EVI5: variants seen among roughly 807,000 people sequenced by gnomAD.
The protein encoded by EVI5 is ecotropic viral integration site 5 protein homolog.
A neutral mutation model predicts 112.0 loss-of-function variants in EVI5; 73 were observed. That is an observed-to-expected ratio of 0.65 (90% confidence interval 0.54 to 0.79). EVI5 has a LOEUF of 0.79. EVI5 is among the 30% of genes least tolerant of loss of function. The pLI is 0.00. For missense variants in EVI5, 900 were observed against 968.8 expected (o/e 0.93, Z 0.94); for synonymous variants, 305 against 319.9 (o/e 0.95, Z 0.50).
rs141343784 is a variant in EVI5, at chr1:92,607,683, C to T, written c.1872G>A (p.Val624=). Residue 624 remains valine (V), a synonymous_variant, in exon 17 of 20, where the codon GTG becomes GTA. Transcript: ENST00000684568. ...SNHLRRAEQE[V]ISLQEKVQYL... ...ACTGCACTTTCTCCTGTAGGCTAAT[C>T]ACCTCTTGTTCTGCTCTTCGAAGAT... 14,886 of 1,605,500 alleles carry T rather than the reference C, an allele frequency of 9.3e-3. 103 individuals carry two copies. The highest frequency in any genetic ancestry group is 0.011 in the Non-Finnish European group (13,205 of 1,175,698).
At chr1:92,703,326 A>G (rs1203926732) in intron 4 of EVI5, 69 bp downstream of exon 4, 26 of 972,082 alleles carry the variant, frequency 2.7e-5, no homozygotes, top group Non-Finnish European at 4.0e-5. Flanking sequence ...ATGCTTCATC[A>G]TGAAAAATGT....
In EVI5 at chr1:92,701,377, C is replaced by T. The variant is rs1570445497; in HGVS notation, c.639+764G>A. The stretch of plus-strand genomic sequence containing the variant: ...CTAATCTGAAAGTAGATAGTATTAT[C>T]TTACTAAGGCTCAGAGAGAGGTTAA... On this transcript the variant is annotated intron_variant, in intron 5 of 19. Coordinates refer to ENST00000684568, the MANE Select transcript of EVI5 (RefSeq NM_001350197.2). 2.6e-5 allele frequency among the ~76,000 whole-genome samples: 4 copies of T among 152,308 alleles called. No individual in the cohort carries two copies. The South Asian group carries it at 8.3e-4, about 32-fold the overall frequency.
upstream of EVI5, among the ~76,000 whole-genome samples, chr1:92,788,580 G>C (rs1441921579): frequency 6.6e-6 from 1 of 151,972 alleles, no homozygotes; most frequent in Non-Finnish European, 1.5e-5. Flanking sequence ...TGGATCACAA[G>C]GTCGGGAGTT....
chr1:92,573,390 T>G (rs947811036), intron 18 of EVI5, among the ~76,000 whole-genome samples: 1 of 152,128 alleles, frequency 6.6e-6, no homozygotes, highest in African/African-American at 2.4e-5. Context: ...TCTATGTATA[T>G]GCTAATAATA....
At chr1:92,549,806 C>G (rs998353761) in intron 19 of EVI5, among the ~76,000 whole-genome samples, 1 of 152,196 alleles carries the variant, frequency 6.6e-6, no homozygotes, top group Non-Finnish European at 1.5e-5. Context: ...GAGACACCAT[C>G]TCACACCAGT....
intron 1 of EVI5, among the ~76,000 whole-genome samples, chr1:92,791,748 CAAAA>C (rs534195216): frequency 7.2e-6 from 1 of 138,634 alleles, no homozygotes. Context: ...CCACCTCCAC[CAAAA>C]AAAAAAAAAG....
At chr1:92,611,960 G>C (rs969429678) in intron 16 of EVI5, among the ~76,000 whole-genome samples, 1 of 151,844 alleles carries the variant, frequency 6.6e-6, no homozygotes, top group South Asian at 2.1e-4. Context: ...AGAATTCAGA[G>C]CAAAAATAAC....
At chr1:92,655,993 A>C (rs1233617949) in intron 13 of EVI5, among the ~76,000 whole-genome samples, 1 of 152,216 alleles carries the variant, frequency 6.6e-6, no homozygotes, top group Non-Finnish European at 1.5e-5. Context: ...CAATGACAGC[A>C]TTAAAGATCA....
intron 16 of EVI5, among the ~76,000 whole-genome samples, chr1:92,612,264 C>A (rs1651999652): frequency 6.6e-6 from 1 of 151,356 alleles, no homozygotes; most frequent in Non-Finnish European, 1.5e-5. Context: ...AAACTAAATC[C>A]AATAAAGAGG....
intron 19 of EVI5, among the ~76,000 whole-genome samples, chr1:92,525,744 C>T (rs1187491354): frequency 2.0e-5 from 3 of 152,194 alleles, no homozygotes; most frequent in Admixed American, 6.5e-5. Context: ...ATTAGCTCAT[C>T]GGACGCTGGT....
intron 18 of EVI5, among the ~76,000 whole-genome samples, chr1:92,571,137 C>A (rs1011565585): frequency 1.3e-5 from 2 of 150,246 alleles, no homozygotes; most frequent in African/African-American, 4.9e-5. Flanking sequence ...AAAAGTTGGA[C>A]TATAATGACC....
In EVI5 at chr1:92,563,686, A is replaced by G. The variant is rs762072535; in HGVS notation, c.2122T>C (p.Tyr708His). ...GQLNKSDSNQ[Y>H]IGELKDQIAE... is the part of the protein sequence containing the mutation. ...ATCTGATCTTTCAGTTCCCCAATAT[A>G]CTGGTTAGAATCAGACTTGTTAAGC... The change falls in exon 19 of 20, where the codon TAT becomes CAT. Residue 708 changes from tyrosine to histidine, a missense_variant. Coordinates refer to ENST00000684568, the MANE Select transcript of EVI5 (RefSeq NM_001350197.2). The G allele has an allele frequency of 3.7e-6, 6 of 1,609,670 alleles. No individual in the cohort carries two copies. In the South Asian group the frequency reaches 5.5e-5, roughly 15 times the overall value.
At chr1:92,746,636 G>A (rs1158956417) in intron 1 of EVI5, among the ~76,000 whole-genome samples, 1 of 152,132 alleles carries the variant, frequency 6.6e-6, no homozygotes, top group Non-Finnish European at 1.5e-5. Flanking sequence ...TGAGGTGGGA[G>A]GATGACTTGA....
chr1:92,698,627 T>C (rs1307901840), intron 5 of EVI5, among the ~76,000 whole-genome samples: 1 of 152,130 alleles, frequency 6.6e-6, no homozygotes, highest in Non-Finnish European at 1.5e-5. Context: ...TAGAATACTA[T>C]GAGTGAAGGT....
intron 9 of EVI5, among the ~76,000 whole-genome samples, chr1:92,678,211 T>C (rs1027011458): frequency 2.0e-5 from 3 of 152,052 alleles, no homozygotes; most frequent in Admixed American, 2.0e-4. Context: ...AAAATAAAGG[T>C]CAAAATTATT....
rs1665815367 is a variant in EVI5, at chr1:92,546,936, T to TA, written c.2166+16705dup. Among the ~76,000 whole-genome samples, 3 of 152,128 alleles carry TA rather than the reference T, an allele frequency of 2.0e-5. No individual in the cohort carries two copies. The South Asian group carries it at 6.2e-4, about 32-fold the overall frequency. The stretch of plus-strand genomic sequence containing the variant: ...ACCCCACTGTCAACATTAGACAGAT[T>TA]AACGAGACAGAAAGTTAACAAGGAT... On this transcript the variant is annotated intron_variant, in intron 19 of 19. Coordinates refer to ENST00000684568, the MANE Select transcript of EVI5 (RefSeq NM_001350197.2).
intron 18 of EVI5, among the ~76,000 whole-genome samples, chr1:92,595,178 A>G (rs1301479420): frequency 3.3e-5 from 5 of 152,016 alleles, no homozygotes; most frequent in Admixed American, 1.3e-4. Context: ...ATGTCCAACA[A>G]TGATAGACTG....
chr1:92,677,914 C>T (rs1666999672), intron 9 of EVI5, among the ~76,000 whole-genome samples: 1 of 152,146 alleles, frequency 6.6e-6, no homozygotes, highest in South Asian at 2.1e-4. Flanking sequence ...TCATGCACCC[C>T]TGTTAAGATG....
chr1:92,682,904 A>G (rs1667849516), intron 9 of EVI5, among the ~76,000 whole-genome samples: 1 of 152,222 alleles, frequency 6.6e-6, no homozygotes, highest in Non-Finnish European at 1.5e-5. Context: ...ATACATTTTA[A>G]AGACTTCTAA....
Sources: gnomAD v4.1 joint callset for allele counts (sites outside exome capture counted in the v4.1 genomes callset) on GRCh38, gnomAD v4.1.1 for gene constraint, MANE v1.5 for transcripts, NCBI Gene and HGNC (gene_info 2026-07-23, HGNC 2026-07-21) for gene names.